The following POLN variants were observed in gnomAD, a reference collection of about 807,000 sequenced individuals.
POLN encodes the protein DNA polymerase N.
A neutral mutation model predicts 113.5 loss-of-function variants in POLN; 108 were observed. That is an observed-to-expected ratio of 0.95 (90% CI 0.81 to 1.12). The LOEUF is 1.12. Ranked by LOEUF, POLN falls within the 50% of genes most tolerant of loss-of-function variation. The pLI is 0.00. For missense variants in POLN, 1,097 were observed against 1,077.1 expected (o/e 1.02, Z -0.26); for synonymous variants, 386 against 391.5 (o/e 0.99, Z 0.17).
intron 2 of POLN, chr4:2,238,819 TATTA>T (rs776873406): frequency 3.5e-5 from 57 of 1,613,448 alleles, no homozygotes; most frequent in South Asian, 3.5e-4. Context: ...CCTTTTGTTT[TATTA>T]ATTGATTTAA....
chr4:2,199,351 T>A (rs930075011), intron 5 of POLN, among the ~76,000 whole-genome samples: 4 of 152,162 alleles, frequency 2.6e-5, no homozygotes, highest in African/African-American at 9.7e-5. Flanking sequence ...GTTTGTCCTT[T>A]ATCCCCAAGT....
chr4:2,085,542 A>G, intron 21 of POLN, 71 bp downstream of exon 21: 1 of 1,590,978 alleles, frequency 6.3e-7, no homozygotes, highest in Non-Finnish European at 8.6e-7. Context: ...CACACCAACC[A>G]CGCAGCTGTC....
intron 5 of POLN, among the ~76,000 whole-genome samples, chr4:2,201,873 G>A (rs1210502003): frequency 6.6e-6 from 1 of 152,106 alleles, no homozygotes; most frequent in Non-Finnish European, 1.5e-5. Flanking sequence ...GAAGGGACTG[G>A]GGCCCTATCT....
chr4:2,189,846 T>C (rs1392749232), intron 7 of POLN, among the ~76,000 whole-genome samples: 1 of 151,542 alleles, frequency 6.6e-6, no homozygotes, highest in African/African-American at 2.4e-5. Context: ...CTGGCCAACA[T>C]GGTGAAACCC....
intron 19 of POLN, among the ~76,000 whole-genome samples, chr4:2,104,767 T>C (rs760585102): frequency 1.1e-4 from 17 of 152,188 alleles, no homozygotes; most frequent in Admixed American, 6.5e-4. Context: ...GCTGTATCTA[T>C]GGCTGAAAGA....
chr4:2,090,488 G>A (rs1730640780), intron 20 of POLN: 2 of 530,682 alleles, frequency 3.8e-6, no homozygotes, highest in Non-Finnish European at 7.0e-6. Flanking sequence ...TTGTCACGCT[G>A]TGAATAAATA....
chr4:2,081,272 C>A, intron 22 of POLN: 1 of 1,254,788 alleles, frequency 8.0e-7, no homozygotes, highest in Non-Finnish European at 1.1e-6. Flanking sequence ...GAGGCCTCAC[C>A]CCTGCCAGGC....
chr4:2,122,908 T>C (rs1731482860), intron 19 of POLN, among the ~76,000 whole-genome samples: 2 of 152,046 alleles, frequency 1.3e-5, no homozygotes, highest in Admixed American at 6.5e-5. Flanking sequence ...ATCCCAGCAC[T>C]TTGGGAGGCC....
At chr4:2,208,526 TCATAAGA>T in intron 4 of POLN, 39 bp from the exon 5 acceptor site, 1 of 1,420,934 alleles carries the variant, frequency 7.0e-7, no homozygotes, top group Non-Finnish European at 9.4e-7. Flanking sequence ...GAATATGGAC[TCATAAGA>T]CAGATCTATA....
At chr4:2,195,946 G>C (rs146328847) in intron 6 of POLN, among the ~76,000 whole-genome samples, 1 of 152,224 alleles carries the variant, frequency 6.6e-6, no homozygotes, top group African/African-American at 2.4e-5. Context: ...AAACCATTAA[G>C]GGAAAGTTTG....
intron 7 of POLN, among the ~76,000 whole-genome samples, chr4:2,183,431 T>C (rs1452550846): frequency 6.6e-6 from 1 of 152,160 alleles, no homozygotes. Flanking sequence ...GAACAAAATA[T>C]GAATATTATT....
intron 2 of POLN, among the ~76,000 whole-genome samples, chr4:2,236,002 T>C (rs367870899): frequency 4.6e-5 from 7 of 152,192 alleles, no homozygotes; most frequent in East Asian, 3.8e-4. Flanking sequence ...ACATATTCTT[T>C]TGTGTCTGAA....
At chr4:2,097,719 G>T (rs1327416722) in intron 19 of POLN, among the ~76,000 whole-genome samples, 1 of 152,110 alleles carries the variant, frequency 6.6e-6, no homozygotes, top group Non-Finnish European at 1.5e-5. Context: ...CCCCAGACTG[G>T]TCTTGAACTC....
intron 8 of POLN, among the ~76,000 whole-genome samples, chr4:2,177,874 A>G (rs2108750181): frequency 6.6e-6 from 1 of 152,362 alleles, no homozygotes; most frequent in East Asian, 1.9e-4. Flanking sequence ...ACTTTTGGAC[A>G]GAGAAAAAGT....
At chr4:2,103,051 C>A (rs1730967031) in intron 19 of POLN, among the ~76,000 whole-genome samples, 2 of 152,138 alleles carry the variant, frequency 1.3e-5, no homozygotes, top group Non-Finnish European at 1.5e-5. Context: ...CACAATAATT[C>A]TCCAGCAATA....
At chr4:2,170,444 A>G (rs1328597528) in intron 13 of POLN, among the ~76,000 whole-genome samples, 2 of 152,248 alleles carry the variant, frequency 1.3e-5, no homozygotes, top group Non-Finnish European at 2.9e-5. Context: ...CCACCAAATT[A>G]TGCTTTTCAG....
intron 5 of POLN, among the ~76,000 whole-genome samples, chr4:2,201,939 G>A (rs985491413): frequency 3.9e-5 from 6 of 152,224 alleles, no homozygotes; most frequent in African/African-American, 1.2e-4. Flanking sequence ...CATAAATGAA[G>A]GAAGGATGCA....
intron 7 of POLN, among the ~76,000 whole-genome samples, chr4:2,192,016 G>A (rs1577757858): frequency 1.3e-5 from 2 of 151,346 alleles, no homozygotes; most frequent in South Asian, 4.2e-4. Flanking sequence ...GGGAGGCTGA[G>A]GCAGGAGAGA....
At chr4:2,186,104 T>C (rs1439442108) in intron 7 of POLN, among the ~76,000 whole-genome samples, 4 of 152,200 alleles carry the variant, frequency 2.6e-5, no homozygotes, top group Admixed American at 2.6e-4. Flanking sequence ...TCAGACTTTA[T>C]GTCCCTTCCC....
Sources: gnomAD v4.1 joint callset for allele counts (sites outside exome capture counted in the v4.1 genomes callset) on GRCh38, gnomAD v4.1.1 for gene constraint, MANE v1.5 for transcripts, NCBI Gene and HGNC (gene_info 2026-07-23, HGNC 2026-07-21) for gene names.